Variants in PCDH15 observed in about 807,000 individuals in gnomAD.
PCDH15 encodes the protein protocadherin related 15.
In PCDH15, 129 loss-of-function variants were observed where a neutral mutation model predicts 178.5. That is an observed-to-expected ratio of 0.72 (90% CI 0.63 to 0.84). PCDH15 has a LOEUF of 0.84. PCDH15 is among the 40% of genes least tolerant of loss of function. PCDH15 has a pLI of 0.00. For missense variants in PCDH15, 2,230 were observed against 2,099.9 expected, an observed-to-expected ratio of 1.06 and a Z score of -1.21; for synonymous variants, 800 against 732.0, an observed-to-expected ratio of 1.09 and a Z score of -1.50.
intron 1 of PCDH15, among the ~76,000 whole-genome samples, chr10:55,236,288 C>T (rs938368169): frequency 6.6e-6 from 1 of 151,934 alleles, no homozygotes; most frequent in Non-Finnish European, 1.5e-5. Context: ...AATGCCTCTT[C>T]AAAATTATTC....
intron 2 of PCDH15, among the ~76,000 whole-genome samples, chr10:54,564,303 G>A (rs1425548048): frequency 6.6e-6 from 1 of 152,140 alleles, no homozygotes. Context: ...TAAGGCAAAG[G>A]TGGAGTTTGC....
intron 2 of PCDH15, among the ~76,000 whole-genome samples, chr10:55,589,081 CAAAAAAAAAA>C (rs35940637): frequency 1.2e-5 from 1 of 81,172 alleles, no homozygotes; most frequent in Non-Finnish European, 2.5e-5. Flanking sequence ...AATTCCGTGT[CAAAAAAAAAA>C]AAAAAAAAAA....
chr10:53,912,059 C>A (rs1412100513), intron 25 of PCDH15, among the ~76,000 whole-genome samples: 2 of 152,178 alleles, frequency 1.3e-5, no homozygotes, highest in African/African-American at 2.4e-5. Context: ...AAAATACCCG[C>A]AAACTGAATC....
intron 1 of PCDH15, among the ~76,000 whole-genome samples, chr10:54,759,081 C>CAACT (rs1681286634): frequency 6.6e-6 from 1 of 151,968 alleles, no homozygotes; most frequent in African/African-American, 2.4e-5. Context: ...CCTCCCCCTC[C>CAACT]ATCTTACTAC....
intron 2 of PCDH15, among the ~76,000 whole-genome samples, chr10:55,397,001 G>T (rs1837946285): frequency 6.6e-6 from 1 of 152,094 alleles, no homozygotes. Context: ...GAAATAGAAT[G>T]TTTCAGTATT....
In PCDH15 at chr10:54,002,073, A is replaced by ATG. The variant is rs1564977492; in HGVS notation, c.2752-6309_2752-6308insCA. On this transcript the variant is annotated intron_variant, in intron 20 of 37. Coordinates refer to ENST00000644397, the MANE Select transcript of PCDH15 (RefSeq NM_001384140.1). ...TATATGTATATATATACATGTATAT[A>ATG]TATACATATATGTATATATACATGT... 5.4e-5 allele frequency among the ~76,000 whole-genome samples: 8 copies of ATG among 149,344 alleles called. No homozygotes were observed. The South Asian group carries it at 1.3e-3, about 24-fold the overall frequency.
chr10:55,160,961 A>G (rs895427636), intron 2 of PCDH15, among the ~76,000 whole-genome samples: 3 of 152,154 alleles, frequency 2.0e-5, no homozygotes, highest in African/African-American at 7.2e-5. Context: ...TCCCTGGGGA[A>G]ATTGTTACTG....
intron 23 of PCDH15, among the ~76,000 whole-genome samples, chr10:53,943,262 G>C (rs1004370072): frequency 6.6e-6 from 1 of 152,016 alleles, no homozygotes; most frequent in African/African-American, 2.4e-5. Context: ...GCTGAGCCGG[G>C]TGAATCCCCT....
At chr10:55,040,918 T>C (rs1432334010) in intron 2 of PCDH15, among the ~76,000 whole-genome samples, 1 of 152,080 alleles carries the variant, frequency 6.6e-6, no homozygotes, top group Non-Finnish European at 1.5e-5. Context: ...ATGTTCTTTA[T>C]ATAAATAATT....
intron 2 of PCDH15, among the ~76,000 whole-genome samples, chr10:55,410,304 G>A (rs1565110027): frequency 6.6e-6 from 1 of 151,936 alleles, no homozygotes; most frequent in Non-Finnish European, 1.5e-5. Context: ...GCTGGAATAG[G>A]TTCACTTTTA....
chr10:54,370,392 C>T (rs557230130), intron 4 of PCDH15, among the ~76,000 whole-genome samples: 15 of 151,908 alleles, frequency 9.9e-5, no homozygotes, highest in African/African-American at 2.7e-4. Context: ...AAATTTGGCT[C>T]GTTGTATATT....
chr10:54,673,085 A>C (rs984757771), intron 1 of PCDH15, among the ~76,000 whole-genome samples: 4 of 152,086 alleles, frequency 2.6e-5, no homozygotes, highest in Non-Finnish European at 5.9e-5. Context: ...TTAAAAAAAA[A>C]ATTAAATTAA....
intron 23 of PCDH15, among the ~76,000 whole-genome samples, chr10:53,944,064 G>C (rs1474363098): frequency 6.6e-6 from 1 of 151,950 alleles, no homozygotes; most frequent in Non-Finnish European, 1.5e-5. Flanking sequence ...GGACAGAGAA[G>C]GTAGGAACAT....
chr10:54,026,859 A>T (rs1015342420), intron 18 of PCDH15, among the ~76,000 whole-genome samples: 8 of 152,074 alleles, frequency 5.3e-5, no homozygotes, highest in Non-Finnish European at 1.0e-4. Context: ...AACTGGAAGC[A>T]TTCCCCTTGA....
At position 54,581,451 on chromosome 10, in the gene PCDH15, T is replaced by G. The variant is rs575355195; in HGVS notation, c.92-53574A>C. Among the ~76,000 whole-genome samples, 5 of 152,160 alleles carry G rather than the reference T, an allele frequency of 3.3e-5. No homozygotes were observed. The East Asian group carries it at 5.8e-4, about 18-fold the overall frequency. ...AATAGATGACACACACAATTATAAATTCATTCCACACTCATGGAAGGTAAG... is the reference window on the plus strand; with the variant it reads ...AATAGATGACACACACAATTATAAAGTCATTCCACACTCATGGAAGGTAAG... On this transcript the variant is annotated intron_variant, in intron 2 of 37. Coordinates refer to ENST00000644397, the MANE Select transcript of PCDH15 (RefSeq NM_001384140.1).
At chr10:54,942,076 G>C (rs1392507055) in intron 2 of PCDH15, among the ~76,000 whole-genome samples, 1 of 152,058 alleles carries the variant, frequency 6.6e-6, no homozygotes, top group Non-Finnish European at 1.5e-5. Flanking sequence ...ATCAGAATAG[G>C]ACTGATTTTC....
chr10:55,487,256 C>T (rs1255096488), intron 2 of PCDH15, among the ~76,000 whole-genome samples: 1 of 151,692 alleles, frequency 6.6e-6, no homozygotes, highest in Admixed American at 6.6e-5. Context: ...TAGCTGACAG[C>T]TTTTATTTAC....
At chr10:55,048,418 CA>C (rs1024598999) in intron 2 of PCDH15, among the ~76,000 whole-genome samples, 1 of 151,658 alleles carries the variant, frequency 6.6e-6, no homozygotes, top group Admixed American at 6.6e-5. Context: ...AAGAACAGCA[CA>C]AAAAAATAGA....
At chr10:55,412,033 G>A (rs932735472) in intron 2 of PCDH15, among the ~76,000 whole-genome samples, 3 of 152,036 alleles carry the variant, frequency 2.0e-5, no homozygotes, top group Non-Finnish European at 4.4e-5. Context: ...TTTGAGACTG[G>A]AGGGGCTGGA....
Sources: allele counts gnomAD v4.1 joint callset (sites outside exome capture counted in the v4.1 genomes callset), GRCh38; gene constraint gnomAD v4.1.1; transcripts MANE v1.5; gene names NCBI Gene and HGNC (gene_info 2026-07-23, HGNC 2026-07-21).